C1orf54: variants seen among roughly 807,000 people sequenced by gnomAD.
The protein encoded by C1orf54 is chromosome 1 open reading frame 54.
C1orf54 carries 12 observed loss-of-function variants against 14.7 expected under a neutral mutation model. That is an observed-to-expected ratio of 0.82 (90% CI 0.52 to 1.32). The LOEUF is 1.32. Ranked by LOEUF, C1orf54 falls within the 40% of genes most tolerant of loss-of-function variation. C1orf54 has a pLI of 0.00. For synonymous variants in C1orf54, 65 were observed against 56.3 expected (o/e 1.16, Z -0.70); for missense variants, 163 against 162.2 (o/e 1.00, Z -0.03).
chr1:150,279,751 C>T lies in C1orf54; in HGVS notation c.*3+10C>T. On this transcript the variant is annotated intron_variant, in intron 5 of 5. Coordinates refer to ENST00000369099, the MANE Select transcript of C1orf54 (RefSeq NM_024579.4). Reference sequence around the variant, plus strand: ...GTATTTCATGTAGAAGGTAAGAGTGCAGCCACTGGCTTTGGGGGAGTCTGT... The same window carrying T: ...GTATTTCATGTAGAAGGTAAGAGTGTAGCCACTGGCTTTGGGGGAGTCTGT... The T allele has an allele frequency of 6.3e-7, 1 of 1,596,220 alleles. No individual in the cohort carries two copies. The highest frequency in any genetic ancestry group is 8.6e-7 in the Non-Finnish European group (1 of 1,166,796).
At chr1:150,269,041 A>G (rs587692041), upstream of C1orf54, 57 of 485,610 alleles carry the variant, frequency 1.2e-4, no homozygotes, top group East Asian at 1.8e-3. Flanking sequence ...CCGCAGCCCC[A>G]CGGCCACCTC....
At chr1:150,274,943 T>A (rs1213634655) in intron 2 of C1orf54, among the ~76,000 whole-genome samples, 1 of 151,608 alleles carries the variant, frequency 6.6e-6, no homozygotes, top group Non-Finnish European at 1.5e-5. Context: ...GATGATGTTA[T>A]TTTTCCAGAT....
chr1:150,279,435 G>A (rs925934684), intron 4 of C1orf54, among the ~76,000 whole-genome samples: 15 of 152,150 alleles, frequency 9.9e-5, no homozygotes, highest in Non-Finnish European at 2.1e-4. Flanking sequence ...CAATTGAATT[G>A]AATTGGCCTC....
upstream of C1orf54, chr1:150,272,641 C>G (rs868950523): frequency 6.3e-6 from 4 of 639,380 alleles, no homozygotes; most frequent in African/African-American, 7.4e-5. Flanking sequence ...GGCTGGGGAC[C>G]GGCAGTAACC....
upstream of C1orf54, among the ~76,000 whole-genome samples, chr1:150,270,831 C>G (rs1295260116): frequency 1.3e-5 from 2 of 150,928 alleles, no homozygotes; most frequent in African/African-American, 4.9e-5. Context: ...CCCGTTTCTA[C>G]TAAAAATACA....
intron 2 of C1orf54, among the ~76,000 whole-genome samples, chr1:150,275,210 G>A (rs1652547226): frequency 6.6e-6 from 1 of 151,690 alleles, no homozygotes; most frequent in African/African-American, 2.4e-5. Context: ...GGCTAATTTT[G>A]TATCTTTAGT....
chr1:150,277,360 A>C (rs1652739213), intron 4 of C1orf54, among the ~76,000 whole-genome samples: 1 of 151,942 alleles, frequency 6.6e-6, no homozygotes, highest in Non-Finnish European at 1.5e-5. Flanking sequence ...AAAGTTAGCC[A>C]GGCGTGGTGG....
At chr1:150,269,843 C>T (rs1652073468), upstream of C1orf54, among the ~76,000 whole-genome samples, 1 of 152,010 alleles carries the variant, frequency 6.6e-6, no homozygotes, top group Non-Finnish European at 1.5e-5. Context: ...TTGAGACCAG[C>T]CTGGCCAACA....
intron 1 of C1orf54, among the ~76,000 whole-genome samples, chr1:150,273,529 G>T (rs782265878): frequency 2.0e-5 from 3 of 152,202 alleles, no homozygotes; most frequent in Admixed American, 1.3e-4. Flanking sequence ...TTCTGAAAGG[G>T]AAGAAAAACT....
upstream of C1orf54, among the ~76,000 whole-genome samples, chr1:150,270,291 CAT>C (rs1314038275): frequency 6.6e-6 from 1 of 152,302 alleles, no homozygotes; most frequent in East Asian, 1.9e-4. Flanking sequence ...CACTCACATA[CAT>C]GTTTTACATG....
At chr1:150,279,876 A>T in intron 5 of C1orf54, 135 bp downstream of exon 5, 1 of 779,184 alleles carries the variant, frequency 1.3e-6, no homozygotes. Flanking sequence ...CACTGAAGGA[A>T]GAGATTTAGG....
upstream of C1orf54, among the ~76,000 whole-genome samples, chr1:150,270,864 C>T (rs1419557121): frequency 4.8e-5 from 7 of 145,552 alleles, no homozygotes; most frequent in East Asian, 2.2e-4. Flanking sequence ...GGCGTGGTGG[C>T]GGGCGCCTGT....
At chr1:150,274,238 C>A in intron 2 of C1orf54, 68 bp downstream of exon 2, 1 of 1,203,942 alleles carries the variant, frequency 8.3e-7, no homozygotes, top group Non-Finnish European at 1.2e-6. Flanking sequence ...AGTTCTGAGA[C>A]TTTGCTCTTC....
At chr1:150,276,676 C>T (rs1652688819) in intron 4 of C1orf54, 44 bp downstream of exon 4, 2 of 1,486,382 alleles carry the variant, frequency 1.3e-6, no homozygotes, top group African/African-American at 1.4e-5. Flanking sequence ...ACAGGACATC[C>T]CTAGTGACGT....
chr1:150,280,125 G>A (rs77308869), intron 5 of C1orf54, among the ~76,000 whole-genome samples: 38 of 152,340 alleles, frequency 2.5e-4, no homozygotes, highest in African/African-American at 8.4e-4. Context: ...TGGGGGGGAT[G>A]GGGTGGAAGG....
upstream of C1orf54, chr1:150,269,017 G>A (rs868962662): frequency 3.4e-5 from 18 of 526,232 alleles, no homozygotes; most frequent in Middle Eastern, 5.2e-4. Flanking sequence ...AGCCGAAGAG[G>A]GGACAAATCC....
chr1:150,279,825 A>G, intron 5 of C1orf54, 84 bp downstream of exon 5: 2 of 1,134,654 alleles, frequency 1.8e-6, no homozygotes, highest in South Asian at 2.9e-5. Context: ...AATTCTTACC[A>G]GTATCTCTAG....
intron 1 of C1orf54, among the ~76,000 whole-genome samples, chr1:150,273,429 T>C (rs1386616145): frequency 2.0e-5 from 3 of 152,180 alleles, no homozygotes; most frequent in Non-Finnish European, 4.4e-5. Context: ...AGCTTGGAGT[T>C]GAAGGGAAAG....
chr1:150,276,492 T>C, intron 3 of C1orf54, 30 bp from the exon 4 acceptor site: 3 of 1,561,358 alleles, frequency 1.9e-6, no homozygotes, highest in Non-Finnish European at 2.6e-6. Flanking sequence ...AACTGATAAC[T>C]CTGTGTTTCC....
Sources: allele counts gnomAD v4.1 joint callset (sites outside exome capture counted in the v4.1 genomes callset), GRCh38; gene constraint gnomAD v4.1.1; transcripts MANE v1.5; gene names NCBI Gene and HGNC (gene_info 2026-07-23, HGNC 2026-07-21).